Variants in PCDH9 observed in about 807,000 individuals in gnomAD.
PCDH9 encodes protocadherin 9.
PCDH9 carries 24 observed loss-of-function variants against 70.6 expected under a neutral mutation model. The ratio of observed to expected loss-of-function variants is 0.34; its 90% CI spans 0.25 to 0.48. The LOEUF (loss-of-function observed/expected upper bound fraction) is 0.48, where lower values mean the gene tolerates loss of function less well. PCDH9 is among the 20% of genes least tolerant of loss of function. The pLI is 0.99. For synonymous variants in PCDH9, 562 were observed against 558.5 expected (o/e 1.01, Z -0.09); for missense variants, 1,281 against 1,503.6 (o/e 0.85, Z 2.45).
chr13:66,694,863 A>G (rs1284969950), intron 3 of PCDH9, among the ~76,000 whole-genome samples: 4 of 152,008 alleles, frequency 2.6e-5, no homozygotes, highest in Admixed American at 2.6e-4. Context: ...TGAATTAAAT[A>G]AATGAGCATT....
chr13:66,951,223 T>C (rs933735277), intron 2 of PCDH9, among the ~76,000 whole-genome samples: 2 of 152,178 alleles, frequency 1.3e-5, no homozygotes, highest in African/African-American at 2.4e-5. Context: ...AAGAAATATA[T>C]ACCTTTTTTT....
intron 3 of PCDH9, among the ~76,000 whole-genome samples, chr13:66,837,413 A>G (rs903534063): frequency 2.0e-5 from 3 of 152,118 alleles, no homozygotes; most frequent in African/African-American, 4.8e-5. Flanking sequence ...CCTGCCCACA[A>G]CGAGGCAAAA....
intron 2 of PCDH9, among the ~76,000 whole-genome samples, chr13:67,026,665 C>T (rs2139873336): frequency 6.6e-6 from 1 of 151,936 alleles, no homozygotes; most frequent in African/African-American, 2.4e-5. Flanking sequence ...CTAGAAAAAC[C>T]CATTGTCTCA....
chr13:66,456,158 A>T (rs1016900455), intron 4 of PCDH9, among the ~76,000 whole-genome samples: 5 of 152,188 alleles, frequency 3.3e-5, no homozygotes, highest in Non-Finnish European at 4.4e-5. Flanking sequence ...GCATTAGAAA[A>T]CAAAAGTTAA....
In PCDH9 at chr13:66,618,309, A is replaced by G. The variant is rs564299655; in HGVS notation, c.3340+12901T>C. On this transcript the variant is annotated intron_variant, in intron 4 of 4. Transcript: ENST00000377865. ...GTATCTCATCTGGCAGCCTAACTTT[A>G]GTGTTATTAAAATCCGAGCACTCAT... Among the ~76,000 whole-genome samples, 9 of 152,292 alleles carry G rather than the reference A, an allele frequency of 5.9e-5. No homozygotes were observed. In the East Asian group the frequency reaches 1.5e-3, roughly 26 times the overall value.
At chr13:66,305,663 C>A (rs1020229774) in intron 4 of PCDH9, among the ~76,000 whole-genome samples, 13 of 151,982 alleles carry the variant, frequency 8.6e-5, no homozygotes, top group African/African-American at 2.9e-4. Flanking sequence ...TAACAACACA[C>A]CTGGTCAGCT....
At chr13:67,082,658 T>C (rs1301431001) in intron 2 of PCDH9, among the ~76,000 whole-genome samples, 4 of 152,192 alleles carry the variant, frequency 2.6e-5, no homozygotes, top group African/African-American at 4.8e-5. Context: ...ATTGCACCAA[T>C]TGTTTTATCT....
intron 4 of PCDH9, among the ~76,000 whole-genome samples, chr13:66,399,384 G>A (rs923254826): frequency 5.3e-5 from 8 of 152,126 alleles, no homozygotes; most frequent in South Asian, 2.1e-4. Context: ...TTTTGCCAGC[G>A]GCTTATTTTT....
chr13:66,824,651 GATATATATATATATAT>G lies in PCDH9; in HGVS notation c.3138+78837_3138+78852del, dbSNP rs67211029. On this transcript the variant is annotated intron_variant, in intron 3 of 4. Transcript: ENST00000377865. ...ACCTGGGCAACAAGAGCGAAACTCT[GATATATATATATATAT>G]ATATATATATATATATATATATATA... 7.2e-3 allele frequency among the ~76,000 whole-genome samples: 712 copies of G among 99,056 alleles called. 13 individuals carry two copies. The highest frequency in any genetic ancestry group is 0.027 in the African/African-American group (574 of 20,998). 65.0% of individuals were successfully genotyped at this position (99,056 alleles called of 152,430 possible). A position where few individuals can be genotyped will look rare whatever the true frequency, so the allele number is the denominator to read the frequency against.
chr13:66,469,306 C>T (rs1018495700), intron 4 of PCDH9, among the ~76,000 whole-genome samples: 1 of 151,970 alleles, frequency 6.6e-6, no homozygotes, highest in African/African-American at 2.4e-5. Flanking sequence ...CCACATTATG[C>T]CATCTTGTCA....
At chr13:66,826,798 C>A (rs937083671) in intron 3 of PCDH9, among the ~76,000 whole-genome samples, 3 of 152,094 alleles carry the variant, frequency 2.0e-5, no homozygotes, top group Non-Finnish European at 4.4e-5. Flanking sequence ...AAGGATGAGA[C>A]TAATCATATT....
At chr13:66,940,358 C>T (rs1458044051) in intron 2 of PCDH9, among the ~76,000 whole-genome samples, 1 of 151,902 alleles carries the variant, frequency 6.6e-6, no homozygotes, top group Non-Finnish European at 1.5e-5. Flanking sequence ...TTGTTGTTGT[C>T]GTCATTGCTG....
intron 2 of PCDH9, among the ~76,000 whole-genome samples, chr13:67,039,334 G>A (rs1459873850): frequency 1.3e-5 from 2 of 152,168 alleles, no homozygotes; most frequent in African/African-American, 4.8e-5. Context: ...GTATTAAGAG[G>A]CAGATACAGA....
At chr13:66,560,271 C>T (rs1454525637) in intron 4 of PCDH9, among the ~76,000 whole-genome samples, 1 of 152,070 alleles carries the variant, frequency 6.6e-6, no homozygotes, top group Admixed American at 6.6e-5. Flanking sequence ...GGCCCTCAGA[C>T]ACACCTCCAG....
intron 3 of PCDH9, among the ~76,000 whole-genome samples, chr13:66,836,155 T>C (rs1461371639): frequency 1.3e-5 from 2 of 152,160 alleles, no homozygotes; most frequent in Non-Finnish European, 2.9e-5. Context: ...GTATATTTGT[T>C]TGAATTTGAT....
At chr13:67,082,868 T>G (rs2086013713) in intron 2 of PCDH9, among the ~76,000 whole-genome samples, 2 of 152,186 alleles carry the variant, frequency 1.3e-5, no homozygotes, top group African/African-American at 4.8e-5. Context: ...ATTTTTCTGT[T>G]ACTATGTTTA....
chr13:67,146,331 A>G (rs770838908), intron 2 of PCDH9, among the ~76,000 whole-genome samples: 2 of 152,176 alleles, frequency 1.3e-5, no homozygotes, highest in Non-Finnish European at 2.9e-5. Flanking sequence ...ATAAATAAGC[A>G]TACATAAAAC....
At chr13:67,151,900 C>G (rs990105992) in intron 2 of PCDH9, among the ~76,000 whole-genome samples, 5 of 152,110 alleles carry the variant, frequency 3.3e-5, no homozygotes, top group African/African-American at 9.6e-5. Flanking sequence ...ACTCAGGGTC[C>G]TTGCATCATC....
At chr13:67,199,569 A>T (rs565514572) in intron 2 of PCDH9, among the ~76,000 whole-genome samples, 126 of 152,048 alleles carry the variant, frequency 8.3e-4, no homozygotes, top group Non-Finnish European at 1.7e-3. Flanking sequence ...ATGTGGGCAA[A>T]ATCTTTGTAA....
Sources: gnomAD v4.1 joint callset for allele counts (sites outside exome capture counted in the v4.1 genomes callset) on GRCh38, gnomAD v4.1.1 for gene constraint, MANE v1.5 for transcripts, NCBI Gene and HGNC (gene_info 2026-07-23, HGNC 2026-07-21) for gene names.